CDKAL1: variants seen among roughly 807,000 people sequenced by gnomAD.
CDKAL1 encodes CDKAL1 threonylcarbamoyladenosine tRNA methylthiotransferase.
CDKAL1 carries 32 observed loss-of-function variants against 68.2 expected under a neutral mutation model. The observed-to-expected ratio is 0.47, with a 90% confidence interval of 0.35 to 0.63. The LOEUF (loss-of-function observed/expected upper bound fraction) is 0.63, where lower values mean the gene tolerates loss of function less well. Among genes scored for constraint, CDKAL1 ranks in the 30% least tolerant of loss-of-function variants. The pLI is 0.00. For missense variants in CDKAL1, 606 were observed against 696.7 expected (o/e 0.87, Z 1.47); for synonymous variants, 234 against 244.3 (o/e 0.96, Z 0.39).
At chr6:20,940,000 A>G (rs1763896024) in intron 9 of CDKAL1, among the ~76,000 whole-genome samples, 1 of 152,218 alleles carries the variant, frequency 6.6e-6, no homozygotes, top group Non-Finnish European at 1.5e-5. Flanking sequence ...TTTAATAGTG[A>G]GAATTAAGGA....
intron 5 of CDKAL1, among the ~76,000 whole-genome samples, chr6:20,681,738 G>A (rs1429418194): frequency 6.6e-6 from 1 of 152,138 alleles, no homozygotes; most frequent in African/African-American, 2.4e-5. Context: ...CTCCAGAAGC[G>A]AGAGATGGGT....
chr6:20,549,011 A>T (rs1170433647), intron 4 of CDKAL1, among the ~76,000 whole-genome samples: 1 of 152,222 alleles, frequency 6.6e-6, no homozygotes, highest in Non-Finnish European at 1.5e-5. Flanking sequence ...AATTAACATT[A>T]GTGCATTTCT....
chr6:21,181,075 A>G (rs1295735715), intron 13 of CDKAL1, among the ~76,000 whole-genome samples: 4 of 152,346 alleles, frequency 2.6e-5, no homozygotes, highest in Non-Finnish European at 1.5e-5. Context: ...GAAAGAATGC[A>G]TGCATGTGCA....
intron 4 of CDKAL1, among the ~76,000 whole-genome samples, chr6:20,599,117 T>C (rs1433202498): frequency 6.6e-6 from 1 of 152,080 alleles, no homozygotes; most frequent in African/African-American, 2.4e-5. Flanking sequence ...ATTCCTTATT[T>C]GCTTGGTTCT....
intron 4 of CDKAL1, among the ~76,000 whole-genome samples, chr6:20,624,884 T>C (rs767959567): frequency 1.6e-4 from 25 of 152,076 alleles, no homozygotes; most frequent in Non-Finnish European, 2.9e-4. Flanking sequence ...AATAGAAATA[T>C]CCTCTTGGTA....
chr6:20,877,505 T>G (rs1488433544), intron 9 of CDKAL1, among the ~76,000 whole-genome samples: 1 of 152,232 alleles, frequency 6.6e-6, no homozygotes, highest in Admixed American at 6.5e-5. Context: ...CGGGCCAGTC[T>G]GAGGTCACTG....
intron 4 of CDKAL1, among the ~76,000 whole-genome samples, chr6:20,602,304 G>A (rs898451452): frequency 1.3e-5 from 2 of 152,100 alleles, no homozygotes; most frequent in African/African-American, 4.8e-5. Flanking sequence ...CAAAGCCCTT[G>A]TCAGCTCTCA....
intron 13 of CDKAL1, among the ~76,000 whole-genome samples, chr6:21,194,292 G>T (rs1778379566): frequency 6.6e-6 from 1 of 152,188 alleles, no homozygotes; most frequent in Admixed American, 6.5e-5. Context: ...TTCCTTACTT[G>T]CAGGATTTTG....
chr6:20,664,122 C>T (rs1177558618), intron 5 of CDKAL1, among the ~76,000 whole-genome samples: 1 of 152,100 alleles, frequency 6.6e-6, no homozygotes, highest in South Asian at 2.1e-4. Context: ...AGGATACAAC[C>T]TACACATTCT....
chr6:20,619,426 CT>C (rs1561972330), intron 4 of CDKAL1, among the ~76,000 whole-genome samples: 1 of 152,104 alleles, frequency 6.6e-6, no homozygotes, highest in Admixed American at 6.5e-5. Context: ...CATCAATTAA[CT>C]AGATTTAGTC....
chr6:21,231,312 C>A lies in CDKAL1; in HGVS notation c.*273C>A. 1 of 272,064 alleles carries A rather than the reference C, an allele frequency of 3.7e-6. No homozygotes were observed. Among genetic ancestry groups the A allele is most frequent in the Non-Finnish European group, 6.2e-6 (1 of 160,346 alleles). 16.9% of individuals were successfully genotyped at this position (272,064 alleles called of 1,614,324 possible). A position where few individuals can be genotyped will look rare whatever the true frequency, so the allele number is the denominator to read the frequency against. ...TTTTAGCAAGAAATGCAAGCGGTTG[C>A]ATTTTTTTCTGTTTGTTTCAATCTC... On this transcript the variant is annotated 3_prime_UTR_variant, in exon 16 of 16. Transcript: ENST00000274695.
intron 4 of CDKAL1, among the ~76,000 whole-genome samples, chr6:20,579,851 T>A (rs1163790684): frequency 6.6e-6 from 1 of 152,204 alleles, no homozygotes; most frequent in Non-Finnish European, 1.5e-5. Flanking sequence ...ACTTTGATAA[T>A]TTCTATAATT....
Position 20,732,252 on chromosome 6 carries a change from T to A in CDKAL1, c.372-7267T>A, listed in dbSNP as rs1405711492. Among the ~76,000 whole-genome samples, 21 of 106,716 alleles carry A rather than the reference T, an allele frequency of 2.0e-4. No individual in the cohort carries two copies. The South Asian group carries it at 7.6e-3, about 39-fold the overall frequency. The allele number at this position is 106,716 out of a possible 152,430, so 70.0% of individuals were successfully genotyped here. A position where few individuals can be genotyped will look rare whatever the true frequency, so the allele number is the denominator to read the frequency against. ...TTTCCTTTTCTTTTTTTCTTTTTCT[T>A]TTCTTTCTTTCTTTTTTTTTTTTTT... is the stretch of plus-strand genomic sequence containing the variant. On this transcript the variant is annotated intron_variant, in intron 5 of 15. Coordinates refer to ENST00000274695, the MANE Select transcript of CDKAL1 (RefSeq NM_017774.3).
At chr6:21,129,851 TTAAATG>T (rs1256622239) in intron 13 of CDKAL1, among the ~76,000 whole-genome samples, 2 of 152,194 alleles carry the variant, frequency 1.3e-5, no homozygotes, top group Non-Finnish European at 2.9e-5. Context: ...TTTGGAATTA[TTAAATG>T]TTAGCACTGA....
At chr6:20,544,259 A>G (rs75736824) in intron 2 of CDKAL1, among the ~76,000 whole-genome samples, 2 of 151,744 alleles carry the variant, frequency 1.3e-5, no homozygotes, top group South Asian at 4.2e-4. Flanking sequence ...CTATCCCTCT[A>G]CCAATACCAC....
intron 13 of CDKAL1, among the ~76,000 whole-genome samples, chr6:21,110,987 T>TA (rs556743515): frequency 0.011 from 1,608 of 152,170 alleles, 25 homozygotes; most frequent in African/African-American, 0.037. Flanking sequence ...CATTTTTTTT[T>TA]AAAATAATTT....
At chr6:20,546,959 A>C (rs1251854409) in intron 3 of CDKAL1, among the ~76,000 whole-genome samples, 1 of 152,212 alleles carries the variant, frequency 6.6e-6, no homozygotes, top group Non-Finnish European at 1.5e-5. Flanking sequence ...AGGAAATACA[A>C]GTTGAGTATC....
chr6:20,744,993 T>C (rs1382920038), intron 6 of CDKAL1, among the ~76,000 whole-genome samples: 1 of 152,242 alleles, frequency 6.6e-6, no homozygotes, highest in African/African-American at 2.4e-5. Flanking sequence ...CAACGGAATA[T>C]ACAATTTGAT....
chr6:21,072,905 A>T (rs1771869846), intron 12 of CDKAL1, among the ~76,000 whole-genome samples: 1 of 152,136 alleles, frequency 6.6e-6, no homozygotes, highest in Admixed American at 6.5e-5. Context: ...GGGTTTTGAC[A>T]AATGTGAAAT....
Sources: allele counts gnomAD v4.1 joint callset (sites outside exome capture counted in the v4.1 genomes callset), GRCh38; gene constraint gnomAD v4.1.1; transcripts MANE v1.5; gene names NCBI Gene and HGNC (gene_info 2026-07-23, HGNC 2026-07-21).